The following CACNB3 variants were observed in gnomAD, a reference collection of about 807,000 sequenced individuals.
The protein encoded by CACNB3 is voltage-dependent L-type calcium channel subunit beta-3.
CACNB3 carries 36 observed loss-of-function variants against 63.7 expected under a neutral mutation model. The ratio of observed to expected loss-of-function variants is 0.57; its 90% CI spans 0.43 to 0.75. CACNB3 has a LOEUF of 0.75. Among genes scored for constraint, CACNB3 ranks in the 30% least tolerant of loss-of-function variants. The pLI is 0.00. For missense variants in CACNB3, 493 were observed against 648.6 expected, an observed-to-expected ratio of 0.76 and a Z score of 2.61; for synonymous variants, 241 against 250.6, an observed-to-expected ratio of 0.96 and a Z score of 0.36.
At position 48,818,521 on chromosome 12, in the gene CACNB3, C is replaced by T. The variant is rs947234280; in HGVS notation, c.-409C>T. ...CCCCTTCCTCCCCGCCGCCACGGCC[C>T]CGTAGGTGCTCGGGGACCCACCTTC... On this transcript the variant is annotated 5_prime_UTR_variant, in exon 1 of 13. Coordinates refer to ENST00000301050, the MANE Select transcript of CACNB3 (RefSeq NM_000725.4). The surrounding 1 kb of genome is among the most constrained non-coding windows in gnomAD (Gnocchi z 4.3). 9.9e-7 allele frequency: 1 copy of T among 1,012,944 alleles called. No homozygotes were observed. Among genetic ancestry groups the T allele is most frequent in the Non-Finnish European group, 1.2e-6 (1 of 848,562 alleles). The allele number at this position is 1,012,944 out of a possible 1,614,324, so 62.7% of individuals were successfully genotyped here.
At position 48,818,511 on chromosome 12, in the gene CACNB3, C is replaced by A; in HGVS notation, c.-419C>A. On this transcript the variant is annotated 5_prime_UTR_variant, in exon 1 of 13. Transcript: ENST00000301050. The surrounding 1 kb of genome is among the most constrained non-coding windows in gnomAD (Gnocchi z 4.3). Reference sequence around the variant, plus strand: ...AGCCTCTCCTCCCCTTCCTCCCCGCCGCCACGGCCCCGTAGGTGCTCGGGG... The same window carrying A: ...AGCCTCTCCTCCCCTTCCTCCCCGCAGCCACGGCCCCGTAGGTGCTCGGGG... 7 of 1,005,538 alleles carry A rather than the reference C, an allele frequency of 7.0e-6. No homozygotes were observed. The highest frequency in any genetic ancestry group is 8.3e-6 in the Non-Finnish European group (7 of 843,618). 62.3% of individuals were successfully genotyped at this position (1,005,538 alleles called of 1,614,324 possible). A position where few individuals can be genotyped will look rare whatever the true frequency, so the allele number is the denominator to read the frequency against.
intron 4 of CACNB3, 39 bp downstream of exon 4, chr12:48,824,412 C>T (rs1300547165): frequency 2.6e-6 from 4 of 1,520,670 alleles, no homozygotes; most frequent in South Asian, 1.2e-5. Context: ...ACACCCCAAA[C>T]ACTTGCACTG....
upstream of CACNB3, chr12:48,815,685 C>G (rs766360038): frequency 6.6e-6 from 10 of 1,505,400 alleles, no homozygotes; most frequent in South Asian, 1.1e-4. Context: ...CTAGCCTGGT[C>G]TATGTCTTTT....
At chr12:48,814,559 G>T (rs1230867850), upstream of CACNB3, 3 of 1,522,566 alleles carry the variant, frequency 2.0e-6, no homozygotes, top group South Asian at 2.4e-5. The surrounding 1 kb of genome is among the most constrained non-coding windows in gnomAD (Gnocchi z 6.9). Flanking sequence ...TGGAGGTAGG[G>T]ACGGGCTAGG....
chr12:48,815,560 G>T, upstream of CACNB3: 1 of 1,509,330 alleles, frequency 6.6e-7, no homozygotes, highest in Non-Finnish European at 8.8e-7. Flanking sequence ...AGCAGGCGGC[G>T]GAGCCCGGCG....
At chr12:48,817,260 G>C (rs1942308699), upstream of CACNB3, 1 of 152,476 alleles carries the variant, frequency 6.6e-6, no homozygotes, top group South Asian at 2.1e-4. Flanking sequence ...AAGTGACCCA[G>C]GTGGGAAGCC....
At chr12:48,827,503 G>C (rs1354397304) in intron 12 of CACNB3, 82 bp from the exon 13 acceptor site, 6 of 1,279,816 alleles carry the variant, frequency 4.7e-6, no homozygotes, top group Non-Finnish European at 6.6e-6. Flanking sequence ...ATTGAGAGTT[G>C]AGGGGGGAAG....
chr12:48,818,680 A>C lies in CACNB3; in HGVS notation c.-250A>C. 1.7e-6 allele frequency: 2 copies of C among 1,187,452 alleles called. No homozygotes were observed. The highest frequency in any genetic ancestry group is 2.1e-6 in the Non-Finnish European group (2 of 964,942). 73.6% of individuals were successfully genotyped at this position (1,187,452 alleles called of 1,614,324 possible). A position where few individuals can be genotyped will look rare whatever the true frequency, so the allele number is the denominator to read the frequency against. ...CACTATTGTTGTAGGAGCCGGCGCCAGATTCCTCAGCCGCGCTCGGGGTGG... is the reference window on the plus strand; with the variant it reads ...CACTATTGTTGTAGGAGCCGGCGCCCGATTCCTCAGCCGCGCTCGGGGTGG... On this transcript the variant is annotated 5_prime_UTR_variant, in exon 1 of 13. Coordinates refer to ENST00000301050, the MANE Select transcript of CACNB3 (RefSeq NM_000725.4). The surrounding 1 kb of genome is among the most constrained non-coding windows in gnomAD (Gnocchi z 4.3).
rs1021551005 is a variant in CACNB3 at position 48,826,274 on chromosome 12, C to G, written c.743-93C>G. On this transcript the variant is annotated intron_variant, in intron 9 of 12. Coordinates refer to ENST00000301050, the MANE Select transcript of CACNB3 (RefSeq NM_000725.4). This position sits in a 1 kb window ranked among gnomAD's most constrained non-coding sequence, Gnocchi z 4.8. ...CGATGAATGCCCTTTTCCTCCAATT[C>G]CTTCCTGTCCACCATTCGGGAGCCC... 7.6e-7 allele frequency: 1 copy of G among 1,307,310 alleles called. No individual in the cohort carries two copies. Among genetic ancestry groups the G allele is most frequent in the African/African-American group, 1.5e-5 (1 of 68,578 alleles). 81.0% of individuals were successfully genotyped at this position (1,307,310 alleles called of 1,614,324 possible). A position where few individuals can be genotyped will look rare whatever the true frequency, so the allele number is the denominator to read the frequency against.
Position 48,825,607 on chromosome 12 carries a change from G to T in CACNB3, c.633-53G>T. Reference sequence around the variant, plus strand: ...AGAGTTAGTGGGAGCTGAGTAAGGAGAGGCTGAGGCACAGGTTTAGAAGCA... The same window carrying T: ...AGAGTTAGTGGGAGCTGAGTAAGGATAGGCTGAGGCACAGGTTTAGAAGCA... On this transcript the variant is annotated intron_variant, in intron 8 of 12. Coordinates refer to ENST00000301050, the MANE Select transcript of CACNB3 (RefSeq NM_000725.4). The surrounding 1 kb of genome is among the most constrained non-coding windows in gnomAD (Gnocchi z 4.5). 6.4e-7 allele frequency: 1 copy of T among 1,573,814 alleles called. No homozygotes were observed. Among genetic ancestry groups the T allele is most frequent in the Non-Finnish European group, 8.7e-7 (1 of 1,143,334 alleles).
chr12:48,819,330 TG>T (rs1937718440), intron 1 of CACNB3, among the ~76,000 whole-genome samples: 1 of 152,106 alleles, frequency 6.6e-6, no homozygotes, highest in African/African-American at 2.4e-5. Context: ...TCTGGATTTC[TG>T]GGGTCTGAAC....
chr12:48,827,934 C>A lies in CACNB3; in HGVS notation c.*35C>A. The A allele has an allele frequency of 6.3e-7, 1 of 1,575,246 alleles. No individual in the cohort carries two copies. Among genetic ancestry groups the A allele is most frequent in the Non-Finnish European group, 8.7e-7 (1 of 1,151,586 alleles). On this transcript the variant is annotated 3_prime_UTR_variant, in exon 13 of 13. Transcript: ENST00000301050. ...GCTGCCCTACCCTGGCAGGCACAGG[C>A]GCAGCTGGCTGGGGGGCCCACTCCA...
Position 48,825,550 on chromosome 12 carries a change from C to T in CACNB3, c.632+58C>T. The T allele has an allele frequency of 6.3e-7, 1 of 1,595,200 alleles. No individual in the cohort carries two copies. The highest frequency in any genetic ancestry group is 1.1e-5 in the South Asian group (1 of 90,672). On this transcript the variant is annotated intron_variant, in intron 8 of 12. Coordinates refer to ENST00000301050, the MANE Select transcript of CACNB3 (RefSeq NM_000725.4). This position sits in a 1 kb window ranked among gnomAD's most constrained non-coding sequence, Gnocchi z 4.5. ...CCAAGGAGAAGCTCATGGCCTACTT[C>T]CAGATGCCTGTAGCTAGTCTTCTCT...
chr12:48,818,733 G>T lies in CACNB3; in HGVS notation c.-197G>T, dbSNP rs1937662836. 4.0e-6 allele frequency: 5 copies of T among 1,261,934 alleles called. No individual in the cohort carries two copies. Among genetic ancestry groups the T allele is most frequent in the Non-Finnish European group, 3.0e-6 (3 of 994,320 alleles). The allele number at this position is 1,261,934 out of a possible 1,614,324, so 78.2% of individuals were successfully genotyped here. A position where few individuals can be genotyped will look rare whatever the true frequency, so the allele number is the denominator to read the frequency against. ...CCGGCTGGGTTTGGGGGGGTGGGGT[G>T]GGGGGAGCGGTGATCTGAGCTCCGA... On this transcript the variant is annotated 5_prime_UTR_variant, in exon 1 of 13. Coordinates refer to ENST00000301050, the MANE Select transcript of CACNB3 (RefSeq NM_000725.4). The surrounding 1 kb of genome is among the most constrained non-coding windows in gnomAD (Gnocchi z 4.3).
Position 48,826,225 on chromosome 12 carries a change from C to T in CACNB3, c.743-142C>T. 1 of 777,266 alleles carries T rather than the reference C, an allele frequency of 1.3e-6. No individual in the cohort carries two copies. The highest frequency in any genetic ancestry group is 2.4e-5 in the Admixed American group (1 of 41,720). The allele number at this position is 777,266 out of a possible 1,614,324, so 48.1% of individuals were successfully genotyped here. A position where few individuals can be genotyped will look rare whatever the true frequency, so the allele number is the denominator to read the frequency against. On this transcript the variant is annotated intron_variant, in intron 9 of 12. Coordinates refer to ENST00000301050, the MANE Select transcript of CACNB3 (RefSeq NM_000725.4). This position sits in a 1 kb window ranked among gnomAD's most constrained non-coding sequence, Gnocchi z 4.8. Reference sequence around the variant, plus strand: ...AGAACACACCCCTCCTCCTCAATTCCCATTCCTCTGCCTGTCCAGGCTTCG... The same window carrying T: ...AGAACACACCCCTCCTCCTCAATTCTCATTCCTCTGCCTGTCCAGGCTTCG...
In CACNB3 at chr12:48,828,265, A is replaced by G; in HGVS notation, c.*366A>G. On this transcript the variant is annotated 3_prime_UTR_variant, in exon 13 of 13. Transcript: ENST00000301050. ...AGGGAAGGGATGCCCCATTAAAGTG[A>G]CAAAAGGGTGGGGTGTGGGCACCAT... 2.9e-6 allele frequency: 1 copy of G among 343,712 alleles called. No homozygotes were observed. The highest frequency in any genetic ancestry group is 3.1e-5 in the South Asian group (1 of 32,348). The allele number at this position is 343,712 out of a possible 1,614,324, so 21.3% of individuals were successfully genotyped here.
intron 1 of CACNB3, among the ~76,000 whole-genome samples, chr12:48,822,325 C>T (rs1160908036): frequency 6.6e-6 from 1 of 152,154 alleles, no homozygotes. Context: ...CAAAGTCCAG[C>T]GTCCCTTACT....
chr12:48,823,527 T>C lies in CACNB3; in HGVS notation c.168+61T>C. On this transcript the variant is annotated intron_variant, in intron 2 of 12. Coordinates refer to ENST00000301050, the MANE Select transcript of CACNB3 (RefSeq NM_000725.4). This position sits in a 1 kb window ranked among gnomAD's most constrained non-coding sequence, Gnocchi z 4.2. ...AAGCTAGGTGGAAACCTGCACTCGG[T>C]CCTAAGTCCCAAGGGGTCCTTGGGC... 2 of 1,602,024 alleles carry C rather than the reference T, an allele frequency of 1.2e-6. No homozygotes were observed. Among genetic ancestry groups the C allele is most frequent in the Non-Finnish European group, 8.5e-7 (1 of 1,173,514 alleles).
At chr12:48,824,523 C>T in intron 4 of CACNB3, 146 bp from the exon 5 acceptor site, 1 of 1,050,126 alleles carries the variant, frequency 9.5e-7, no homozygotes, top group Non-Finnish European at 1.4e-6. Context: ...CTAAACAAAT[C>T]TACAAACACA....
Sources: gnomAD v4.1 joint callset for allele counts (sites outside exome capture counted in the v4.1 genomes callset) on GRCh38, gnomAD v4.1.1 for gene constraint, Gnocchi (gnomAD v3.1) non-coding constraint, MANE v1.5 for transcripts, NCBI Gene and HGNC (gene_info 2026-07-23, HGNC 2026-07-21) for gene names.